Variants in CRLS1 observed in about 807,000 individuals in gnomAD.
CRLS1 encodes the protein cardiolipin synthase (CMP-forming).
A neutral mutation model predicts 37.0 loss-of-function variants in CRLS1; 24 were observed. The ratio of observed to expected loss-of-function variants is 0.65; its 90% CI spans 0.47 to 0.91. The LOEUF is 0.91. CRLS1 is among the 40% of genes least tolerant of loss of function. The pLI, the probability that CRLS1 is intolerant of heterozygous loss-of-function variation, is 0.00. For missense variants in CRLS1, 373 were observed against 395.8 expected, an observed-to-expected ratio of 0.94 and a Z score of 0.49; for synonymous variants, 135 against 159.7, an observed-to-expected ratio of 0.85 and a Z score of 1.17.
chr20:6,032,000 G>A lies in CRLS1; in HGVS notation c.661-12G>A. ...TAAGTTAATTACTTTATCTTTTTTG[G>A]TCCTCTGCCAGCGAACACTTGCCAA... On this transcript the variant is annotated splice_polypyrimidine_tract_variant and intron_variant, in intron 4 of 6. Transcript: ENST00000378863. 1 of 1,600,870 alleles carries A rather than the reference G, an allele frequency of 6.2e-7. No individual in the cohort carries two copies. Among genetic ancestry groups the A allele is most frequent in the Non-Finnish European group, 8.5e-7 (1 of 1,171,724 alleles).
At chr20:6,015,058 G>A (rs766611023) in intron 2 of CRLS1, among the ~76,000 whole-genome samples, 2 of 152,036 alleles carry the variant, frequency 1.3e-5, no homozygotes, top group African/African-American at 2.4e-5. Context: ...ATCACTAACC[G>A]TATCTCTAAA....
At chr20:6,034,614 C>T in intron 6 of CRLS1, 59 bp downstream of exon 6, 1 of 1,225,166 alleles carries the variant, frequency 8.2e-7, no homozygotes, top group South Asian at 1.2e-5. Flanking sequence ...ATGGTGATAG[C>T]CCTAGAATGA....
At chr20:6,015,726 T>A in intron 3 of CRLS1, 1 of 415,992 alleles carries the variant, frequency 2.4e-6, no homozygotes, top group Non-Finnish European at 4.4e-6. Flanking sequence ...TGTTTAAAAT[T>A]AAAATTGAAT....
chr20:6,006,377 G>A lies in CRLS1; in HGVS notation c.131G>A (p.Cys44Tyr). The change falls in exon 1 of 7, where the codon TGC becomes TAC. Residue 44 changes from cysteine to tyrosine, a missense_variant. Cys to Tyr is a radical substitution (Grantham distance 194, BLOSUM62 -2). Transcript: ENST00000378863. ...LLPPVPCCLG[C>Y]LAERWRLRPA... ...CCGCCCGTGCCCTGCTGCTTGGGCTGCCTGGCCGAACGCTGGAGGCTGCGT... is the reference window on the plus strand; with the variant it reads ...CCGCCCGTGCCCTGCTGCTTGGGCTACCTGGCCGAACGCTGGAGGCTGCGT... 1.4e-6 allele frequency: 2 copies of A among 1,406,318 alleles called. No individual in the cohort carries two copies. Among genetic ancestry groups the A allele is most frequent in the Non-Finnish European group, 1.9e-6 (2 of 1,078,320 alleles). 87.1% of individuals were successfully genotyped at this position (1,406,318 alleles called of 1,614,324 possible). A position where few individuals can be genotyped will look rare whatever the true frequency, so the allele number is the denominator to read the frequency against.
intron 3 of CRLS1, among the ~76,000 whole-genome samples, chr20:6,022,991 A>C (rs1165653058): frequency 6.6e-6 from 1 of 151,954 alleles, no homozygotes; most frequent in Admixed American, 6.6e-5. Context: ...TGGGTTTACT[A>C]TTTTTCATTT....
At chr20:6,035,500 A>G (rs1392768564) in intron 6 of CRLS1, among the ~76,000 whole-genome samples, 1 of 151,904 alleles carries the variant, frequency 6.6e-6, no homozygotes, top group African/African-American at 2.4e-5. Context: ...TTATTTTGAC[A>G]GTATTTTTTT....
intron 3 of CRLS1, chr20:6,028,541 A>G (rs1215770866): frequency 6.6e-6 from 1 of 152,066 alleles, no homozygotes; most frequent in African/African-American, 2.4e-5. Flanking sequence ...TACCGTTTTC[A>G]GTGTAAAAAC....
intron 1 of CRLS1, chr20:6,007,235 C>T: frequency 6.7e-7 from 1 of 1,496,150 alleles, no homozygotes; most frequent in Non-Finnish European, 8.9e-7. Context: ...TTCAGTGGCC[C>T]CTGTACTGCT....
At chr20:6,024,908 C>T (rs983037329) in intron 3 of CRLS1, among the ~76,000 whole-genome samples, 3 of 152,168 alleles carry the variant, frequency 2.0e-5, no homozygotes, top group Non-Finnish European at 2.9e-5. Context: ...CTCTTCCATT[C>T]CTTGAAGGCA....
At position 6,016,474 on chromosome 20, in the gene CRLS1, T is replaced by TGTGTGAGA. The variant is rs11474595; in HGVS notation, c.574+985_574+986insTGTGAGAG. 1.2e-4 allele frequency among the ~76,000 whole-genome samples: 18 copies of TGTGTGAGA among 151,446 alleles called. No individual in the cohort carries two copies. The South Asian group carries it at 3.1e-3, about 26-fold the overall frequency. ...ATGGGGGTGTGTGTGTGTGTGTGTG[T>TGTGTGAGA]GAGTTTTCTTGCCTAGGCTGGTCTC... On this transcript the variant is annotated intron_variant, in intron 3 of 6. Transcript: ENST00000378863.
At chr20:6,015,590 T>C in intron 3 of CRLS1, 100 bp downstream of exon 3, 1 of 1,225,604 alleles carries the variant, frequency 8.2e-7, no homozygotes, top group East Asian at 2.4e-5. Context: ...GTTCCAAAAA[T>C]ATAGTTTTCA....
rs200647465 is a variant in CRLS1, at chr20:6,037,198, A to T, written c.*40A>T. ...CACTGTTAGTAAGGAAGCAGTATAC[A>T]TCAATGGGAACAGGGCCCATGGAAA... On this transcript the variant is annotated 3_prime_UTR_variant, in exon 7 of 7. Coordinates refer to ENST00000378863, the MANE Select transcript of CRLS1 (RefSeq NM_019095.6). 6.9e-7 allele frequency: 1 copy of T among 1,452,054 alleles called. No individual in the cohort carries two copies. The highest frequency in any genetic ancestry group is 9.7e-7 in the Non-Finnish European group (1 of 1,034,890). 89.9% of individuals were successfully genotyped at this position (1,452,054 alleles called of 1,614,324 possible).
chr20:6,013,287 A>C (rs1186386818), intron 2 of CRLS1, among the ~76,000 whole-genome samples: 1 of 150,294 alleles, frequency 6.7e-6, no homozygotes, highest in East Asian at 1.9e-4. Context: ...CCTGGCTTCA[A>C]ACGATCCTCC....
Position 6,037,952 on chromosome 20 carries a change from A to G in CRLS1, c.*794A>G, listed in dbSNP as rs1980689033. ...CCTGGATTCATATTTTATGTAAATA[A>G]TATCAAGCTGTATATTTTTCAAAGG... On this transcript the variant is annotated 3_prime_UTR_variant, in exon 7 of 7. Transcript: ENST00000378863. 1 of 152,334 alleles carries G rather than the reference A, an allele frequency of 6.6e-6. No homozygotes were observed. Among genetic ancestry groups the G allele is most frequent in the East Asian group, 1.9e-4 (1 of 5,192 alleles). 9.4% of individuals were successfully genotyped at this position (152,334 alleles called of 1,614,324 possible).
chr20:6,035,716 G>A, intron 6 of CRLS1, among the ~76,000 whole-genome samples: 1 of 152,052 alleles, frequency 6.6e-6, no homozygotes, highest in Non-Finnish European at 1.5e-5. Flanking sequence ...TGAATTCCTG[G>A]CCTCAAGCGA....
At position 6,037,928 on chromosome 20, in the gene CRLS1, C is replaced by T. The variant is rs1250945520; in HGVS notation, c.*770C>T. 1 of 152,100 alleles carries T rather than the reference C, an allele frequency of 6.6e-6. No individual in the cohort carries two copies. Among genetic ancestry groups the T allele is most frequent in the Admixed American group, 6.6e-5 (1 of 15,264 alleles). The allele number at this position is 152,100 out of a possible 1,614,324, so 9.4% of individuals were successfully genotyped here. ...AGCAATGTTTGTTTGATATTGGAAC[C>T]TGGATTCATATTTTATGTAAATAAT... On this transcript the variant is annotated 3_prime_UTR_variant, in exon 7 of 7. Transcript: ENST00000378863.
intron 5 of CRLS1, among the ~76,000 whole-genome samples, chr20:6,033,382 C>G (rs1056275661): frequency 1.3e-5 from 2 of 152,088 alleles, no homozygotes; most frequent in African/African-American, 4.8e-5. Context: ...GTGATCCACC[C>G]ATCTCGGCCT....
intron 3 of CRLS1, chr20:6,028,240 G>T (rs1269285348): frequency 2.0e-5 from 3 of 151,946 alleles, no homozygotes; most frequent in African/African-American, 7.3e-5. Flanking sequence ...AAATCATTCT[G>T]CTATTCTTTT....
At chr20:6,016,677 T>C (rs754064678) in intron 3 of CRLS1, among the ~76,000 whole-genome samples, 7 of 152,238 alleles carry the variant, frequency 4.6e-5, no homozygotes, top group Non-Finnish European at 8.8e-5. Context: ...TTTCCAGGTT[T>C]TTTGGAATTA....
Sources: gnomAD v4.1 joint callset for allele counts (sites outside exome capture counted in the v4.1 genomes callset) on GRCh38, gnomAD v4.1.1 for gene constraint, MANE v1.5 for transcripts, NCBI Gene and HGNC (gene_info 2026-07-23, HGNC 2026-07-21) for gene names.